The following SPOCK1 variants were observed in gnomAD, a reference collection of about 807,000 sequenced individuals.
The protein encoded by SPOCK1 is SPARC (osteonectin), cwcv and kazal like domains proteoglycan 1, also known as testican-1.
SPOCK1 carries 23 observed loss-of-function variants against 55.3 expected under a neutral mutation model. The observed-to-expected ratio is 0.42, with a 90% confidence interval of 0.30 to 0.59. The LOEUF (loss-of-function observed/expected upper bound fraction) is 0.59, where lower values mean the gene tolerates loss of function less well. SPOCK1 is among the 20% of genes least tolerant of loss of function. SPOCK1 has a pLI of 0.22. For missense variants in SPOCK1, 499 were observed against 552.5 expected, an observed-to-expected ratio of 0.90 and a Z score of 0.97; for synonymous variants, 226 against 221.0, an observed-to-expected ratio of 1.02 and a Z score of -0.20.
At chr5:137,424,966 T>TA in intron 2 of SPOCK1, among the ~76,000 whole-genome samples, 1 of 152,260 alleles carries the variant, frequency 6.6e-6, no homozygotes, top group South Asian at 2.1e-4. Context: ...TTATTGCATA[T>TA]AAGTTATTCC....
chr5:137,440,870 T>C (rs17171409), intron 2 of SPOCK1, among the ~76,000 whole-genome samples: 2,992 of 152,336 alleles, frequency 0.02, 104 homozygotes, highest in African/African-American at 0.065. Context: ...AAATAATGTC[T>C]ATTGACCCAG....
intron 2 of SPOCK1, among the ~76,000 whole-genome samples, chr5:137,479,358 T>G (rs935504759): frequency 2.6e-5 from 4 of 152,212 alleles, no homozygotes; most frequent in Non-Finnish European, 4.4e-5. Context: ...AACCACTGCA[T>G]GCATATCCAT....
At chr5:137,477,668 G>A (rs56134525) in intron 2 of SPOCK1, among the ~76,000 whole-genome samples, 7,558 of 152,212 alleles carry the variant, frequency 0.05, 375 homozygotes, top group African/African-American at 0.13. Flanking sequence ...GGACTGTGAC[G>A]CTTCCCCACT....
intron 9 of SPOCK1, among the ~76,000 whole-genome samples, chr5:136,980,463 G>A (rs1043232188): frequency 7.2e-5 from 11 of 152,152 alleles, no homozygotes; most frequent in South Asian, 4.1e-4. Context: ...TAATTCCCAC[G>A]TGTTGTGGGA....
intron 2 of SPOCK1, among the ~76,000 whole-genome samples, chr5:137,281,739 C>A (rs886529775): frequency 1.3e-5 from 2 of 152,176 alleles, no homozygotes; most frequent in East Asian, 1.9e-4. Flanking sequence ...CAAGTCACAG[C>A]TAGAACTGAA....
At chr5:137,016,133 T>A (rs1751444248) in intron 6 of SPOCK1, among the ~76,000 whole-genome samples, 1 of 152,168 alleles carries the variant, frequency 6.6e-6, no homozygotes, top group South Asian at 2.1e-4. Context: ...AAAAGGCCGC[T>A]TTTCATCGCA....
chr5:137,223,359 G>T (rs781769431), intron 3 of SPOCK1, among the ~76,000 whole-genome samples: 1 of 151,748 alleles, frequency 6.6e-6, no homozygotes, highest in African/African-American at 2.4e-5. Context: ...GTGTAGCTAT[G>T]GGGGATTGTC....
At chr5:137,126,693 C>T (rs1387428557) in intron 4 of SPOCK1, among the ~76,000 whole-genome samples, 3 of 152,054 alleles carry the variant, frequency 2.0e-5, no homozygotes, top group Non-Finnish European at 4.4e-5. Flanking sequence ...ACCCAGGAGG[C>T]GGAGGCTGCA....
intron 2 of SPOCK1, among the ~76,000 whole-genome samples, chr5:137,438,517 A>G (rs1207208150): frequency 1.3e-5 from 2 of 152,206 alleles, no homozygotes; most frequent in East Asian, 3.8e-4. Flanking sequence ...CTGCCCTGGA[A>G]GGGAATATCT....
intron 6 of SPOCK1, among the ~76,000 whole-genome samples, chr5:137,003,260 A>G (rs529402298): frequency 6.6e-6 from 1 of 152,192 alleles, no homozygotes; most frequent in South Asian, 2.1e-4. Flanking sequence ...TTAGCCGGGC[A>G]TGGTGGCACA....
intron 3 of SPOCK1, among the ~76,000 whole-genome samples, chr5:137,217,398 C>G (rs998040913): frequency 6.6e-6 from 1 of 152,190 alleles, no homozygotes; most frequent in East Asian, 1.9e-4. Context: ...ACAGGCCCCA[C>G]TTTGCCTTGC....
chr5:137,429,574 A>T (rs1040217345), intron 2 of SPOCK1, among the ~76,000 whole-genome samples: 7 of 152,242 alleles, frequency 4.6e-5, no homozygotes, highest in Non-Finnish European at 1.0e-4. Context: ...GGCAATCAGT[A>T]AGTATGATTT....
chr5:137,351,686 C>A (rs1750683263), intron 2 of SPOCK1, among the ~76,000 whole-genome samples: 3 of 152,210 alleles, frequency 2.0e-5, no homozygotes. Flanking sequence ...CATCCAAGGG[C>A]AGTACATTGC....
rs372996324 is a variant in SPOCK1 at position 137,140,718 on chromosome 5, G to A, written c.233-24C>T. 16 of 1,449,378 alleles carry A rather than the reference G, an allele frequency of 1.1e-5. No homozygotes were observed. In the African/African-American group the frequency reaches 1.7e-4, roughly 16 times the overall value. The allele number at this position is 1,449,378 out of a possible 1,614,324, so 89.8% of individuals were successfully genotyped here. On this transcript the variant is annotated intron_variant, in intron 3 of 10. Coordinates refer to ENST00000394945, the MANE Select transcript of SPOCK1 (RefSeq NM_004598.4). The stretch of plus-strand genomic sequence containing the variant: ...GGCTGAGGCAAAAACAAGAAGGAGG[G>A]CAGGGTTTAGGACCTCCAGGGAAAT...
intron 3 of SPOCK1, among the ~76,000 whole-genome samples, chr5:137,263,863 G>A (rs146852610): frequency 6.6e-6 from 1 of 152,256 alleles, no homozygotes; most frequent in African/African-American, 2.4e-5. Flanking sequence ...ACAAGTTAAA[G>A]ACATTCTGAG....
intron 2 of SPOCK1, chr5:137,365,401 G>A (rs1751036268): frequency 6.6e-6 from 1 of 152,228 alleles, no homozygotes; most frequent in South Asian, 2.1e-4. Context: ...TCAGGTTTGG[G>A]AGGAATTCTA....
At chr5:137,079,072 C>T (rs1190748792) in intron 5 of SPOCK1, among the ~76,000 whole-genome samples, 1 of 152,204 alleles carries the variant, frequency 6.6e-6, no homozygotes, top group Non-Finnish European at 1.5e-5. Flanking sequence ...TTGAGGCTTC[C>T]TCTTGGATGC....
At chr5:137,481,121 C>G (rs574168886) in intron 2 of SPOCK1, among the ~76,000 whole-genome samples, 1 of 152,248 alleles carries the variant, frequency 6.6e-6, no homozygotes, top group South Asian at 2.1e-4. Flanking sequence ...GCATCATTCT[C>G]CCCCTCGCCC....
At chr5:136,991,730 GAGA>G (rs1240609176) in intron 7 of SPOCK1, among the ~76,000 whole-genome samples, 2 of 152,204 alleles carry the variant, frequency 1.3e-5, no homozygotes, top group Non-Finnish European at 1.5e-5. Context: ...CCACAGTGTG[GAGA>G]AGCCTATACC....
Sources: allele counts gnomAD v4.1 joint callset (sites outside exome capture counted in the v4.1 genomes callset), GRCh38; gene constraint gnomAD v4.1.1; transcripts MANE v1.5; gene names NCBI Gene and HGNC (gene_info 2026-07-23, HGNC 2026-07-21).